The following PTPN12 variants were observed in gnomAD, a reference collection of about 807,000 sequenced individuals.
The protein encoded by PTPN12 is protein tyrosine phosphatase non-receptor type 12.
Under a neutral mutation model 97.6 loss-of-function variants are expected in PTPN12, and 29 were observed. The ratio of observed to expected loss-of-function variants is 0.30; its 90% CI spans 0.22 to 0.41. The LOEUF (loss-of-function observed/expected upper bound fraction) is 0.41, where lower values mean the gene tolerates loss of function less well. Among genes scored for constraint, PTPN12 ranks in the 10% least tolerant of loss-of-function variants. The probability of loss-of-function intolerance (pLI) is 1.00; values close to 1 mark genes in which losing one functional copy is unlikely to be tolerated. For synonymous variants in PTPN12, 327 were observed against 300.4 expected, an observed-to-expected ratio of 1.09 and a Z score of -0.91; for missense variants, 819 against 926.0, an observed-to-expected ratio of 0.88 and a Z score of 1.50.
At chr7:77,607,140 ATT>A in intron 8 of PTPN12, 93 bp from the exon 9 acceptor site, 1 of 1,010,946 alleles carries the variant, frequency 9.9e-7, no homozygotes, top group Non-Finnish European at 1.4e-6. Context: ...TTCTTAAATG[ATT>A]TTTTGTTTCT....
chr7:77,613,131 C>T (rs1296882266), intron 11 of PTPN12, among the ~76,000 whole-genome samples: 1 of 145,802 alleles, frequency 6.9e-6, no homozygotes, highest in Non-Finnish European at 1.5e-5. Context: ...TTTCGAAAAG[C>T]TGAGTAGGCT....
At chr7:77,568,553 G>A (rs1328438048) in intron 1 of PTPN12, among the ~76,000 whole-genome samples, 1 of 152,172 alleles carries the variant, frequency 6.6e-6, no homozygotes. Context: ...TGAGGCAGGA[G>A]GATCATTTGA....
chr7:77,631,980 T>A (rs545270943), intron 13 of PTPN12, among the ~76,000 whole-genome samples: 39 of 152,328 alleles, frequency 2.6e-4, no homozygotes, highest in African/African-American at 8.9e-4. Flanking sequence ...AAACACTGGC[T>A]TAGGCGTTTC....
chr7:77,623,242 T>A (rs1789009407), intron 12 of PTPN12, among the ~76,000 whole-genome samples: 1 of 152,246 alleles, frequency 6.6e-6, no homozygotes, highest in African/African-American at 2.4e-5. Flanking sequence ...TAAGTTTTTT[T>A]AAATTAAAAA....
chr7:77,545,497 A>C (rs923314047), intron 1 of PTPN12, among the ~76,000 whole-genome samples: 1 of 152,062 alleles, frequency 6.6e-6, no homozygotes, highest in Non-Finnish European at 1.5e-5. Flanking sequence ...AATTCAAAAC[A>C]TATGATCCAA....
rs1336096717 is a variant in PTPN12, at chr7:77,564,757, T to G, written c.100-6321T>G. ...TTTTTTGTTGTCGTGTTTTTTTTTT[T>G]TTTTTTTTTTTTTTTTTTTGAGACG... On this transcript the variant is annotated intron_variant, in intron 1 of 17. Coordinates refer to ENST00000248594, the MANE Select transcript of PTPN12 (RefSeq NM_002835.4). Among the ~76,000 whole-genome samples, 163 of 92,436 alleles carry G rather than the reference T, an allele frequency of 1.8e-3. 5 individuals are homozygous for G. The highest frequency in any genetic ancestry group is 7.3e-3 in the African/African-American group (158 of 21,506). 60.6% of individuals were successfully genotyped at this position (92,436 alleles called of 152,430 possible).
At chr7:77,590,991 T>G (rs1787850758) in intron 5 of PTPN12, among the ~76,000 whole-genome samples, 1 of 152,108 alleles carries the variant, frequency 6.6e-6, no homozygotes, top group African/African-American at 2.4e-5. Flanking sequence ...GAGCCGTGAT[T>G]GCACCACTGC....
chr7:77,616,141 T>C (rs1788742101), intron 11 of PTPN12, among the ~76,000 whole-genome samples: 1 of 152,220 alleles, frequency 6.6e-6, no homozygotes, highest in African/African-American at 2.4e-5. Flanking sequence ...CTATCTCTTC[T>C]CTTTACCCTT....
chr7:77,599,909 C>T (rs1294528497), intron 7 of PTPN12, among the ~76,000 whole-genome samples: 5 of 152,088 alleles, frequency 3.3e-5, no homozygotes, highest in Admixed American at 6.6e-5. Flanking sequence ...TTGAGGATCC[C>T]AAAGTTTTTG....
chr7:77,614,747 A>C (rs2151380479), intron 11 of PTPN12, among the ~76,000 whole-genome samples: 1 of 152,302 alleles, frequency 6.6e-6, no homozygotes, highest in East Asian at 1.9e-4. Flanking sequence ...AATTGAGAAA[A>C]ATCATCTTAG....
intron 2 of PTPN12, among the ~76,000 whole-genome samples, chr7:77,573,437 C>G (rs528881665): frequency 6.6e-6 from 1 of 152,152 alleles, no homozygotes; most frequent in Non-Finnish European, 1.5e-5. Flanking sequence ...CAAGCTCTCT[C>G]GGGCCTCTTT....
chr7:77,618,695 A>T (rs1008539289), intron 12 of PTPN12, 130 bp downstream of exon 12: 1 of 649,910 alleles, frequency 1.5e-6, no homozygotes, highest in African/African-American at 1.9e-5. Flanking sequence ...AGGATGTAAC[A>T]TACGTATGAC....
chr7:77,564,488 A>G (rs1808141139), intron 1 of PTPN12, among the ~76,000 whole-genome samples: 1 of 152,080 alleles, frequency 6.6e-6, no homozygotes, highest in Non-Finnish European at 1.5e-5. Flanking sequence ...CAAACCTGCT[A>G]CCGTTTAAAA....
intron 12 of PTPN12, among the ~76,000 whole-genome samples, chr7:77,618,767 T>A (rs1227863341): frequency 6.6e-6 from 1 of 152,222 alleles, no homozygotes; most frequent in African/African-American, 2.4e-5. Flanking sequence ...TTCAATAATA[T>A]ACTGTAGCAG....
In PTPN12 at chr7:77,627,589, C is replaced by G; in HGVS notation, c.1910C>G (p.Thr637Ser). The stretch of plus-strand genomic sequence containing the variant: ...GCCACAGTTTCTGCTGCCACTAGTA[C>G]TGAAAGCATTTCTACTAGGAAAGTA... Reference protein sequence around the residue: ...ASATVSAATSTESISTRKVLP... With the variant: ...ASATVSAATSSESISTRKVLP... Residue 637 changes from threonine (T) to serine (S), a missense_variant, in exon 13 of 18, where the codon ACT (threonine) becomes AGT (serine). Physicochemically the swap from Thr to Ser is moderately conservative, Grantham distance 58 (BLOSUM62 1). Around this residue, in one of 5 missense-constraint regions of PTPN12, gnomAD observed 607 missense variants for 577.3 expected, o/e 1.05. Coordinates refer to ENST00000248594, the MANE Select transcript of PTPN12 (RefSeq NM_002835.4). The G allele has an allele frequency of 6.2e-7, 1 of 1,613,528 alleles. No homozygotes were observed. The highest frequency in any genetic ancestry group is 8.5e-7 in the Non-Finnish European group (1 of 1,179,728).
chr7:77,555,805 C>T (rs987462640), intron 1 of PTPN12, among the ~76,000 whole-genome samples: 1 of 151,906 alleles, frequency 6.6e-6, no homozygotes, highest in African/African-American at 2.4e-5. Context: ...GTCCCAGCTA[C>T]TGGGGAGGCT....
chr7:77,592,359 A>G (rs1278739409), intron 6 of PTPN12, 103 bp downstream of exon 6: 4 of 967,442 alleles, frequency 4.1e-6, no homozygotes, highest in Non-Finnish European at 4.5e-6. Flanking sequence ...ATAGACGCCA[A>G]GGACTCACAA....
intron 11 of PTPN12, 64 bp downstream of exon 11, chr7:77,611,110 C>T (rs748388327): frequency 3.8e-6 from 5 of 1,313,738 alleles, no homozygotes; most frequent in Non-Finnish European, 5.4e-6. Context: ...TAATATTTAG[C>T]CTTTTTTTTG....
intron 2 of PTPN12, among the ~76,000 whole-genome samples, chr7:77,580,691 T>G (rs1057221146): frequency 1.3e-5 from 2 of 152,138 alleles, no homozygotes; most frequent in East Asian, 3.8e-4. Flanking sequence ...TTTAAAGATT[T>G]TTTTACTCTA....
Sources: gnomAD v4.1 joint callset for allele counts (sites outside exome capture counted in the v4.1 genomes callset) on GRCh38, gnomAD v4.1.1 for gene constraint, gnomAD v4.1.1 regional missense constraint, MANE v1.5 for transcripts, NCBI Gene and HGNC (gene_info 2026-07-23, HGNC 2026-07-21) for gene names.